The following ASF1B variants were observed in gnomAD, a reference collection of about 807,000 sequenced individuals.
The protein encoded by ASF1B is histone chaperone ASF1B.
ASF1B carries 10 observed loss-of-function variants against 16.6 expected under a neutral mutation model. That is an observed-to-expected ratio of 0.60 (90% CI 0.37 to 1.02). The LOEUF is 1.02. Among genes scored for constraint, ASF1B ranks in the 50% least tolerant of loss-of-function variants. The probability of loss-of-function intolerance (pLI) is 0.01; values close to 1 mark genes in which losing one functional copy is unlikely to be tolerated. For synonymous variants in ASF1B, 101 were observed against 106.2 expected (o/e 0.95, Z 0.30); for missense variants, 240 against 266.0 (o/e 0.90, Z 0.68).
chr19:14,121,317 C>G (rs1967233037), intron 3 of ASF1B: 2 of 373,040 alleles, frequency 5.4e-6, no homozygotes, highest in Non-Finnish European at 9.3e-6. Flanking sequence ...GGGACAGGGT[C>G]TCACTATGTT....
intron 2 of ASF1B, among the ~76,000 whole-genome samples, chr19:14,123,372 TTTC>T (rs1034497026): frequency 1.9e-4 from 28 of 149,960 alleles, no homozygotes; most frequent in African/African-American, 5.4e-4. Flanking sequence ...TTGTTTTTTC[TTTC>T]TTCTTTTTTT....
At chr19:14,124,983 C>G (rs1371587460) in intron 2 of ASF1B, among the ~76,000 whole-genome samples, 2 of 151,922 alleles carry the variant, frequency 1.3e-5, no homozygotes, top group Non-Finnish European at 2.9e-5. Flanking sequence ...TCCTTTTTTT[C>G]TGAGACAGAG....
At chr19:14,125,789 G>A (rs1967308473) in intron 2 of ASF1B, among the ~76,000 whole-genome samples, 1 of 152,194 alleles carries the variant, frequency 6.6e-6, no homozygotes, top group Non-Finnish European at 1.5e-5. Flanking sequence ...CTGGCCTCAA[G>A]CAATCCTCCC....
At position 14,136,582 on chromosome 19, in the gene ASF1B, T is replaced by TG. The variant is rs1967508860; in HGVS notation, c.-127dup. 2.8e-6 allele frequency: 2 copies of TG among 707,904 alleles called. No individual in the cohort carries two copies. The highest frequency in any genetic ancestry group is 2.3e-6 in the Non-Finnish European group (1 of 437,596). 43.9% of individuals were successfully genotyped at this position (707,904 alleles called of 1,614,324 possible). A position where few individuals can be genotyped will look rare whatever the true frequency, so the allele number is the denominator to read the frequency against. On this transcript the variant is annotated 5_prime_UTR_variant, in exon 1 of 4. Coordinates refer to ENST00000263382, the MANE Select transcript of ASF1B (RefSeq NM_018154.3). ...ACTCCCGCCTCTTCTCTCCGAGAAC[T>TG]GAAGTGCGCACCTAGTCCGCGCGCC...
At position 14,121,651 on chromosome 19, in the gene ASF1B, C is replaced by T. The variant is rs1285256344; in HGVS notation, c.283G>A (p.Val95Ile). The T allele has an allele frequency of 1.2e-6, 2 of 1,613,906 alleles. No homozygotes were observed. The change falls in exon 3 of 4, where the codon GTC becomes ATC. Residue 95 changes from valine to isoleucine, a missense_variant. Coordinates refer to ENST00000263382, the MANE Select transcript of ASF1B (RefSeq NM_018154.3). Reference sequence around the variant, plus strand: ...CCATGGTAGGTGCAGGTGATGAGGACCACAGTCACACCCACGGCATCAGTC... The same window carrying T: ...CCATGGTAGGTGCAGGTGATGAGGATCACAGTCACACCCACGGCATCAGTC... ...PETDAVGVTVVLITCTYHGQE... is the reference protein window; with the variant it reads ...PETDAVGVTVILITCTYHGQE...
intron 1 of ASF1B, among the ~76,000 whole-genome samples, chr19:14,135,421 T>C (rs1967474354): frequency 6.6e-6 from 1 of 151,782 alleles, no homozygotes; most frequent in Admixed American, 6.6e-5. Flanking sequence ...GGAGACAAAG[T>C]TCCCCTCAAA....
rs1180550661 is a variant in ASF1B, at chr19:14,133,139, A to C, written c.109+3209T>G. On this transcript the variant is annotated intron_variant, in intron 1 of 3. Coordinates refer to ENST00000263382, the MANE Select transcript of ASF1B (RefSeq NM_018154.3). ...CATCTCAAAAATAAATAAATAAATAAATAAATAAATAAATAATAATAATAG... is the reference window on the plus strand; with the variant it reads ...CATCTCAAAAATAAATAAATAAATACATAAATAAATAAATAATAATAATAG... 2.6e-5 allele frequency among the ~76,000 whole-genome samples: 4 copies of C among 151,756 alleles called. No individual in the cohort carries two copies. The East Asian group carries it at 5.8e-4, about 22-fold the overall frequency.
intron 1 of ASF1B, among the ~76,000 whole-genome samples, chr19:14,133,388 C>G (rs1967435528): frequency 6.6e-6 from 1 of 152,032 alleles, no homozygotes; most frequent in Non-Finnish European, 1.5e-5. Flanking sequence ...TCAGCAGAGG[C>G]TGGACGCAGT....
intron 2 of ASF1B, among the ~76,000 whole-genome samples, chr19:14,124,089 G>A (rs1390219895): frequency 6.6e-6 from 1 of 151,950 alleles, no homozygotes; most frequent in Non-Finnish European, 1.5e-5. Flanking sequence ...ATGGCACCTG[G>A]CCTCAAGTGA....
At chr19:14,126,746 A>G (rs1967324410) in intron 1 of ASF1B, among the ~76,000 whole-genome samples, 1 of 152,072 alleles carries the variant, frequency 6.6e-6, no homozygotes, top group Admixed American at 6.6e-5. Context: ...TGCTGGGATG[A>G]CAGGTGTGAG....
chr19:14,132,981 A>G (rs1001333324), intron 1 of ASF1B, among the ~76,000 whole-genome samples: 1 of 151,774 alleles, frequency 6.6e-6, no homozygotes, highest in African/African-American at 2.4e-5. Context: ...TTAGCTGGGC[A>G]TGGTTTCGGG....
intron 2 of ASF1B, 47 bp downstream of exon 2, chr19:14,126,075 T>C: frequency 2.1e-6 from 3 of 1,402,922 alleles, no homozygotes; most frequent in Non-Finnish European, 2.9e-6. Flanking sequence ...TAAAAGAGGA[T>C]GTTTCTAGGA....
intron 3 of ASF1B, 33 bp downstream of exon 3, chr19:14,121,498 CT>C: frequency 3.7e-6 from 6 of 1,604,088 alleles, no homozygotes; most frequent in Non-Finnish European, 5.1e-6. Context: ...AAAGAACGGC[CT>C]TGTGGGAAGC....
intron 2 of ASF1B, among the ~76,000 whole-genome samples, chr19:14,125,001 G>A (rs1413269916): frequency 2.0e-5 from 3 of 152,096 alleles, no homozygotes; most frequent in African/African-American, 7.2e-5. Context: ...GAGTATCGCT[G>A]TATCACCCAG....
At chr19:14,130,276 T>C (rs1967382072) in intron 1 of ASF1B, among the ~76,000 whole-genome samples, 1 of 151,868 alleles carries the variant, frequency 6.6e-6, no homozygotes, top group South Asian at 2.1e-4. Flanking sequence ...TTAGCCAAGA[T>C]GGTCTCGATC....
chr19:14,123,279 G>A (rs1181931673), intron 2 of ASF1B, among the ~76,000 whole-genome samples: 2 of 152,094 alleles, frequency 1.3e-5, no homozygotes, highest in African/African-American at 4.8e-5. Flanking sequence ...TTGGATTAGG[G>A]CGGTAACAGC....
chr19:14,121,782 G>A, intron 2 of ASF1B, 74 bp from the exon 3 acceptor site: 1 of 1,383,754 alleles, frequency 7.2e-7, no homozygotes, highest in East Asian at 2.4e-5. Flanking sequence ...AGATTCCCAA[G>A]CATCATGTAT....
At chr19:14,135,881 T>G (rs1967486992) in intron 1 of ASF1B, among the ~76,000 whole-genome samples, 1 of 151,794 alleles carries the variant, frequency 6.6e-6, no homozygotes, top group South Asian at 2.1e-4. Context: ...AGCGGGGGTC[T>G]TGCCACAGGG....
At position 14,126,248 on chromosome 19, in the gene ASF1B, A is replaced by G; in HGVS notation, c.110-11T>C. The stretch of plus-strand genomic sequence containing the variant: ...TCTTCCACTCCAGGTCTGCAAAGAT[A>G]TAGGAGGGTTAACTAATTGAAATAG... On this transcript the variant is annotated splice_polypyrimidine_tract_variant and intron_variant, in intron 1 of 3. Coordinates refer to ENST00000263382, the MANE Select transcript of ASF1B (RefSeq NM_018154.3). 1.3e-6 allele frequency: 2 copies of G among 1,595,026 alleles called. No homozygotes were observed. Among genetic ancestry groups the G allele is most frequent in the Non-Finnish European group, 8.6e-7 (1 of 1,166,502 alleles).
Sources: gnomAD v4.1 joint callset for allele counts (sites outside exome capture counted in the v4.1 genomes callset) on GRCh38, gnomAD v4.1.1 for gene constraint, MANE v1.5 for transcripts, NCBI Gene and HGNC (gene_info 2026-07-23, HGNC 2026-07-21) for gene names.